Variants in CFTR observed in about 807,000 individuals in gnomAD.
The protein encoded by CFTR is CF transmembrane conductance regulator.
In CFTR, 181 loss-of-function variants were observed where a neutral mutation model predicts 171.6. The observed-to-expected ratio is 1.05, with a 90% CI of 0.93 to 1.19. The LOEUF is 1.19. Among genes scored for constraint, CFTR ranks in the 50% most tolerant of loss-of-function variants. The pLI, the probability that CFTR is intolerant of heterozygous loss-of-function variation, is 0.00. For missense variants in CFTR, 1,968 were observed against 1,734.7 expected, an observed-to-expected ratio of 1.13 and a Z score of -2.39; for synonymous variants, 583 against 608.0, an observed-to-expected ratio of 0.96 and a Z score of 0.60.
At chr7:117,603,154 A>T (rs1464187166) in intron 16 of CFTR, among the ~76,000 whole-genome samples, 1 of 152,172 alleles carries the variant, frequency 6.6e-6, no homozygotes, top group Non-Finnish European at 1.5e-5. Context: ...CAGCCTGGAC[A>T]ATATAGTGAG....
intron 11 of CFTR, among the ~76,000 whole-genome samples, chr7:117,573,612 T>A (rs940717176): frequency 6.6e-6 from 1 of 152,098 alleles, no homozygotes; most frequent in African/African-American, 2.4e-5. Context: ...CTGAAATTGG[T>A]CCAAGGACCA....
chr7:117,578,115 G>A (rs965393507), intron 11 of CFTR, among the ~76,000 whole-genome samples: 3 of 151,854 alleles, frequency 2.0e-5, no homozygotes, highest in African/African-American at 7.3e-5. Flanking sequence ...TTGTATATGT[G>A]TATATAGCCA....
At chr7:117,495,429 A>G (rs1290312642) in intron 1 of CFTR, among the ~76,000 whole-genome samples, 1 of 152,130 alleles carries the variant, frequency 6.6e-6, no homozygotes, top group Non-Finnish European at 1.5e-5. Flanking sequence ...TTGCCTCTCA[A>G]GTGCTTGAGT....
intron 3 of CFTR, among the ~76,000 whole-genome samples, chr7:117,517,707 C>A (rs1798616176): frequency 6.6e-6 from 1 of 152,198 alleles, no homozygotes; most frequent in South Asian, 2.1e-4. Context: ...TCCACATCCG[C>A]TCCAGCATCT....
chr7:117,631,477 TC>T (rs891724069), intron 22 of CFTR, among the ~76,000 whole-genome samples: 14 of 152,004 alleles, frequency 9.2e-5, no homozygotes, highest in African/African-American at 3.1e-4. Flanking sequence ...ACTTTCATCT[TC>T]CCCCCTTGAC....
At chr7:117,539,201 G>C (rs1248600891) in intron 7 of CFTR, among the ~76,000 whole-genome samples, 1 of 152,170 alleles carries the variant, frequency 6.6e-6, no homozygotes, top group African/African-American at 2.4e-5. Flanking sequence ...GCTGAAGGCA[G>C]TGTTGTCCTC....
At chr7:117,503,484 A>G (rs1011873699) in intron 1 of CFTR, among the ~76,000 whole-genome samples, 29 of 152,160 alleles carry the variant, frequency 1.9e-4, no homozygotes, top group African/African-American at 4.1e-4. Context: ...AGATTTTCCT[A>G]TCTTTATGAA....
intron 10 of CFTR, among the ~76,000 whole-genome samples, chr7:117,558,041 G>T (rs1245100870): frequency 2.0e-5 from 3 of 151,992 alleles, no homozygotes; most frequent in Non-Finnish European, 2.9e-5. Flanking sequence ...TCACATAGTT[G>T]TGCAACTATC....
At chr7:117,506,737 A>G (rs1798424782) in intron 2 of CFTR, among the ~76,000 whole-genome samples, 1 of 152,222 alleles carries the variant, frequency 6.6e-6, no homozygotes, top group Admixed American at 6.5e-5. Flanking sequence ...CAATTTAAAA[A>G]ATATACCTAT....
chr7:117,533,692 G>A (rs957416654), intron 4 of CFTR, among the ~76,000 whole-genome samples: 2 of 152,022 alleles, frequency 1.3e-5, no homozygotes, highest in Non-Finnish European at 2.9e-5. Flanking sequence ...TTTTAATTAA[G>A]TAAATTTAAT....
At chr7:117,662,082 A>G (rs1793299825) in intron 24 of CFTR, among the ~76,000 whole-genome samples, 1 of 150,318 alleles carries the variant, frequency 6.7e-6, no homozygotes, top group Non-Finnish European at 1.5e-5. Flanking sequence ...TTATAATTTG[A>G]TTTTGTGAGA....
chr7:117,568,833 A>G (rs1791643507), intron 11 of CFTR, among the ~76,000 whole-genome samples: 1 of 152,172 alleles, frequency 6.6e-6, no homozygotes, highest in Admixed American at 6.5e-5. Context: ...ACACTATACA[A>G]TAGAGCTCCA....
chr7:117,489,591 G>A (rs1408595552), intron 1 of CFTR, among the ~76,000 whole-genome samples: 2 of 151,938 alleles, frequency 1.3e-5, no homozygotes, highest in Non-Finnish European at 2.9e-5. Flanking sequence ...GATATGATGG[G>A]CTGTTAACTG....
chr7:117,622,858 G>T (rs1792603171), intron 21 of CFTR, among the ~76,000 whole-genome samples: 1 of 152,048 alleles, frequency 6.6e-6, no homozygotes, highest in Non-Finnish European at 1.5e-5. Context: ...TTTCTTCTTG[G>T]CTTAAATGCA....
intron 4 of CFTR, 148 bp from the exon 5 acceptor site, chr7:117,534,128 A>ATAG (rs1331662382): frequency 2.1e-5 from 12 of 582,376 alleles, no homozygotes; most frequent in Non-Finnish European, 3.0e-6. Context: ...ACCTGAGAAG[A>ATAG]TAGTAAGCTA....
intron 15 of CFTR, among the ~76,000 whole-genome samples, chr7:117,596,657 G>C (rs547108748): frequency 6.6e-6 from 1 of 152,364 alleles, no homozygotes; most frequent in African/African-American, 2.4e-5. Flanking sequence ...TCTAGCTCAA[G>C]GTTTGTAAAC....
chr7:117,653,660 C>T (rs1426427387), intron 24 of CFTR, among the ~76,000 whole-genome samples: 2 of 152,200 alleles, frequency 1.3e-5, no homozygotes, highest in Admixed American at 6.5e-5. Flanking sequence ...TAGCATTTCA[C>T]TCCTGACCTC....
At position 117,559,559 on chromosome 7, in the gene CFTR, G is replaced by C. The variant is rs200626971; in HGVS notation, c.1488G>C (p.Trp496Cys). The C allele has an allele frequency of 6.2e-7, 1 of 1,612,162 alleles. No individual in the cohort carries two copies. The highest frequency in any genetic ancestry group is 2.2e-5 in the East Asian group (1 of 44,794). ...GRISFCSQFSWIMPGTIKENI... is the reference protein window; with the variant it reads ...GRISFCSQFSCIMPGTIKENI... Reference sequence around the variant, plus strand: ...TTTCATTCTGTTCTCAGTTTTCCTGGATTATGCCTGGCACCATTAAAGAAA... The same window carrying C: ...TTTCATTCTGTTCTCAGTTTTCCTGCATTATGCCTGGCACCATTAAAGAAA... Residue 496 changes from tryptophan to cysteine, a missense_variant, in exon 11 of 27, where the codon TGG (tryptophan) becomes TGC (cysteine). Physicochemically the swap from Trp to Cys is radical, Grantham distance 215 (BLOSUM62 -2). Coordinates refer to ENST00000003084, the MANE Select transcript of CFTR (RefSeq NM_000492.4).
At chr7:117,575,407 C>T (rs891830682) in intron 11 of CFTR, among the ~76,000 whole-genome samples, 2 of 152,082 alleles carry the variant, frequency 1.3e-5, no homozygotes, top group Non-Finnish European at 2.9e-5. Context: ...ATATCCTTTA[C>T]CAATTATCTT....
Sources: allele counts gnomAD v4.1 joint callset (sites outside exome capture counted in the v4.1 genomes callset), GRCh38; gene constraint gnomAD v4.1.1; transcripts MANE v1.5; gene names NCBI Gene and HGNC (gene_info 2026-07-23, HGNC 2026-07-21).